NCKAP5: variants seen among roughly 807,000 people sequenced by gnomAD.
The protein encoded by NCKAP5 is NCK associated protein 5.
NCKAP5 carries 92 observed loss-of-function variants against 167.0 expected under a neutral mutation model. The observed-to-expected ratio is 0.55, with a 90% CI of 0.47 to 0.66. NCKAP5 has a LOEUF of 0.66. Ranked by LOEUF, NCKAP5 falls within the 30% of genes least tolerant of loss-of-function variation. NCKAP5 has a pLI of 0.00. For synonymous variants in NCKAP5, 891 were observed against 877.4 expected, an observed-to-expected ratio of 1.02 and a Z score of -0.27; for missense variants, 2,378 against 2,315.0, an observed-to-expected ratio of 1.03 and a Z score of -0.56.
At chr2:132,695,677 G>A (rs933100949) in intron 19 of NCKAP5, among the ~76,000 whole-genome samples, 1 of 152,030 alleles carries the variant, frequency 6.6e-6, no homozygotes, top group Non-Finnish European at 1.5e-5. Context: ...GGTAGTTTGG[G>A]GCCTTATAAT....
intron 4 of NCKAP5, among the ~76,000 whole-genome samples, chr2:133,280,367 A>C (rs535471189): frequency 2.6e-5 from 4 of 152,176 alleles, no homozygotes; most frequent in Non-Finnish European, 5.9e-5. Flanking sequence ...ACCCTAGCAT[A>C]GGGATAGTTT....
chr2:132,695,232 T>C (rs1358541787), intron 19 of NCKAP5, among the ~76,000 whole-genome samples: 5 of 152,130 alleles, frequency 3.3e-5, no homozygotes, highest in African/African-American at 1.2e-4. Flanking sequence ...TGTGGATCCA[T>C]GTCTGTCAAA....
At chr2:132,751,158 G>A (rs1361655171) in intron 16 of NCKAP5, among the ~76,000 whole-genome samples, 1 of 152,130 alleles carries the variant, frequency 6.6e-6, no homozygotes, top group African/African-American at 2.4e-5. Flanking sequence ...GATCCCTCAT[G>A]AATAGCTTGG....
chr2:133,460,144 C>T (rs531935892), intron 3 of NCKAP5, among the ~76,000 whole-genome samples: 2 of 152,232 alleles, frequency 1.3e-5, no homozygotes, highest in South Asian at 2.1e-4. Flanking sequence ...CTACATTTTC[C>T]TCTTGCTACC....
At chr2:133,368,847 C>T (rs1685615483) in intron 3 of NCKAP5, among the ~76,000 whole-genome samples, 1 of 152,188 alleles carries the variant, frequency 6.6e-6, no homozygotes, top group Non-Finnish European at 1.5e-5. Flanking sequence ...CATTGCATGA[C>T]ACGTATTGCA....
intron 6 of NCKAP5, among the ~76,000 whole-genome samples, chr2:133,020,171 A>C (rs776765099): frequency 3.3e-5 from 5 of 152,276 alleles, no homozygotes; most frequent in Non-Finnish European, 5.9e-5. Context: ...CAAAGACGAC[A>C]TCATGGGAAT....
intron 3 of NCKAP5, among the ~76,000 whole-genome samples, chr2:133,396,327 C>G (rs1687728683): frequency 6.6e-6 from 1 of 152,096 alleles, no homozygotes; most frequent in Non-Finnish European, 1.5e-5. Context: ...TACCTGGCCT[C>G]AGCTCTCCCA....
In NCKAP5 at chr2:132,860,613, TACAAC is replaced by T. The variant is rs1689817135; in HGVS notation, c.688-7_688-3del. The T allele has an allele frequency of 1.3e-6, 2 of 1,567,156 alleles. No individual in the cohort carries two copies. Among genetic ancestry groups the T allele is most frequent in the African/African-American group, 2.7e-5 (2 of 74,064 alleles). On this transcript the variant is annotated splice_region_variant and splice_polypyrimidine_tract_variant and intron_variant, in intron 10 of 19. Transcript: ENST00000409261. Reference sequence around the variant, plus strand: ...CTTCACACATTCCTCTCTTAGATCCTACAACAAACACATCGAAGGAGGAAAAAGTC... The same window carrying T: ...CTTCACACATTCCTCTCTTAGATCCTAAACACATCGAAGGAGGAAAAAGTC...
intron 5 of NCKAP5, among the ~76,000 whole-genome samples, chr2:133,190,044 T>A (rs1324691026): frequency 2.0e-5 from 3 of 152,002 alleles, no homozygotes; most frequent in Admixed American, 1.3e-4. Context: ...CAACCCAAAA[T>A]CTCCTTAAGC....
chr2:132,722,866 A>G (rs1001715051), intron 19 of NCKAP5, among the ~76,000 whole-genome samples: 2 of 151,990 alleles, frequency 1.3e-5, no homozygotes, highest in Non-Finnish European at 2.9e-5. Flanking sequence ...CCCAGGCTGT[A>G]CTGCAGTGGT....
chr2:132,804,467 G>T (rs905494054), intron 11 of NCKAP5, among the ~76,000 whole-genome samples: 1 of 151,960 alleles, frequency 6.6e-6, no homozygotes, highest in Non-Finnish European at 1.5e-5. Flanking sequence ...CTTTATTTTT[G>T]AAAAGTTCTG....
chr2:133,264,238 G>A (rs2089065036), intron 4 of NCKAP5, among the ~76,000 whole-genome samples: 2 of 152,208 alleles, frequency 1.3e-5, no homozygotes, highest in African/African-American at 4.8e-5. Flanking sequence ...CAGCTGTTAG[G>A]ATGATTTGCA....
At chr2:133,102,238 C>G (rs544314122) in intron 6 of NCKAP5, among the ~76,000 whole-genome samples, 2 of 152,224 alleles carry the variant, frequency 1.3e-5, no homozygotes, top group East Asian at 3.9e-4. Context: ...CCTCTGCCTC[C>G]CGGGTTCAAG....
chr2:132,691,807 G>A (rs931215802), intron 19 of NCKAP5, among the ~76,000 whole-genome samples: 1 of 151,854 alleles, frequency 6.6e-6, no homozygotes. Flanking sequence ...TTCCCACCCT[G>A]CAATAAACTT....
At chr2:133,152,590 A>C (rs367866329) in intron 5 of NCKAP5, among the ~76,000 whole-genome samples, 1 of 152,226 alleles carries the variant, frequency 6.6e-6, no homozygotes, top group African/African-American at 2.4e-5. Flanking sequence ...TCCTGCAATG[A>C]AATATTATTC....
At chr2:133,174,526 C>T (rs1199626028) in intron 5 of NCKAP5, among the ~76,000 whole-genome samples, 4 of 152,132 alleles carry the variant, frequency 2.6e-5, no homozygotes, top group Non-Finnish European at 2.9e-5. Context: ...TTTTATTCTA[C>T]AGGCTAAAAT....
chr2:133,472,972 C>G (rs1398045566), intron 3 of NCKAP5, among the ~76,000 whole-genome samples: 1 of 152,148 alleles, frequency 6.6e-6, no homozygotes, highest in African/African-American at 2.4e-5. Context: ...TAATTGTTAC[C>G]TGGTTTCCAT....
chr2:133,629,056 C>G, the NCKAP5 span, among the ~76,000 whole-genome samples: 75 of 152,268 alleles, frequency 4.9e-4, no homozygotes, highest in Non-Finnish European at 8.2e-4. Context: ...CTAGGCAATA[C>G]CATTCAGGAC....
At chr2:132,715,814 TA>T (rs1283798720) in intron 19 of NCKAP5, among the ~76,000 whole-genome samples, 2 of 152,146 alleles carry the variant, frequency 1.3e-5, no homozygotes, top group Non-Finnish European at 2.9e-5. Context: ...CCAAATTAGG[TA>T]GCTGGACCAG....
Sources: gnomAD v4.1 joint callset for allele counts (sites outside exome capture counted in the v4.1 genomes callset) on GRCh38, gnomAD v4.1.1 for gene constraint, MANE v1.5 for transcripts, NCBI Gene and HGNC (gene_info 2026-07-23, HGNC 2026-07-21) for gene names.